The following EIF3A variants were observed in gnomAD, a reference collection of about 807,000 sequenced individuals.
EIF3A encodes EIF3, p180 subunit.
A neutral mutation model predicts 186.6 loss-of-function variants in EIF3A; 21 were observed. The ratio of observed to expected loss-of-function variants is 0.11; its 90% CI spans 0.08 to 0.16. EIF3A has a LOEUF of 0.16. EIF3A is among the 10% of genes least tolerant of loss of function. The probability of loss-of-function intolerance (pLI) is 1.00; values close to 1 mark genes in which losing one functional copy is unlikely to be tolerated. For missense variants in EIF3A, 1,306 were observed against 1,796.3 expected, an observed-to-expected ratio of 0.73 and a Z score of 4.93; for synonymous variants, 563 against 584.3, an observed-to-expected ratio of 0.96 and a Z score of 0.52.
At chr10:119,049,733 G>C in intron 17 of EIF3A, 68 bp downstream of exon 17, 1 of 1,409,896 alleles carries the variant, frequency 7.1e-7, no homozygotes, top group South Asian at 1.3e-5. Context: ...GACAGAGCAA[G>C]ACTGTGCCTC....
intron 9 of EIF3A, chr10:119,059,981 C>T: frequency 1.9e-6 from 1 of 537,470 alleles, no homozygotes; most frequent in Non-Finnish European, 3.5e-6. Flanking sequence ...CTGCTACTTA[C>T]CGAATATATT....
intron 1 of EIF3A, among the ~76,000 whole-genome samples, chr10:119,074,630 A>T (rs1200705122): frequency 2.7e-5 from 4 of 150,374 alleles, no homozygotes; most frequent in Non-Finnish European, 5.9e-5. Flanking sequence ...TTTTTTTTTT[A>T]AATAAAAAAA....
chr10:119,064,434 C>T (rs1281549151), intron 7 of EIF3A, among the ~76,000 whole-genome samples: 1 of 152,206 alleles, frequency 6.6e-6, no homozygotes, highest in East Asian at 1.9e-4. Flanking sequence ...GGGGCAATTT[C>T]TAATGATTTA....
intron 4 of EIF3A, 130 bp from the exon 5 acceptor site, chr10:119,071,215 A>G (rs1255751643): frequency 2.9e-6 from 2 of 684,670 alleles, no homozygotes; most frequent in South Asian, 1.8e-5. Flanking sequence ...AGTCTTTGTG[A>G]TGCAATGAGA....
At chr10:119,064,505 A>G (rs1055880458) in intron 7 of EIF3A, among the ~76,000 whole-genome samples, 1 of 152,020 alleles carries the variant, frequency 6.6e-6, no homozygotes, top group Non-Finnish European at 1.5e-5. Context: ...GTGTTGTTTA[A>G]AAGTGTGTGG....
chr10:119,063,544 C>G (rs1241160875), intron 7 of EIF3A, among the ~76,000 whole-genome samples: 1 of 152,162 alleles, frequency 6.6e-6, no homozygotes, highest in Non-Finnish European at 1.5e-5. Context: ...GAATTAGGGA[C>G]TGTTAATGAT....
At chr10:119,056,516 T>C (rs1464093555) in intron 14 of EIF3A, among the ~76,000 whole-genome samples, 1 of 152,208 alleles carries the variant, frequency 6.6e-6, no homozygotes, top group East Asian at 1.9e-4. Flanking sequence ...TATAAAGCAG[T>C]TTTTTATAAA....
At chr10:119,079,683 T>A (rs1445457962) in intron 1 of EIF3A, among the ~76,000 whole-genome samples, 1 of 151,922 alleles carries the variant, frequency 6.6e-6, no homozygotes, top group Non-Finnish European at 1.5e-5. Context: ...CTTGGAGAGA[T>A]CGGGGCACAC....
At chr10:119,060,348 T>G (rs762536836) in intron 9 of EIF3A, among the ~76,000 whole-genome samples, 129 of 152,280 alleles carry the variant, frequency 8.5e-4, no homozygotes, top group Non-Finnish European at 1.7e-3. Flanking sequence ...TTCCACTTCT[T>G]ATGCCACAGA....
chr10:119,063,777 C>T (rs1024572751), intron 7 of EIF3A, among the ~76,000 whole-genome samples: 2 of 152,200 alleles, frequency 1.3e-5, no homozygotes, highest in South Asian at 4.1e-4. Flanking sequence ...TCCATCAATG[C>T]GAAACACTAA....
At chr10:119,038,064 G>T (rs1366435508) in intron 20 of EIF3A, 174 bp downstream of exon 20, 13 of 590,114 alleles carry the variant, frequency 2.2e-5, no homozygotes, top group Admixed American at 5.2e-5. Context: ...TTACAGGCAT[G>T]CGCCACCACG....
chr10:119,069,610 C>A lies in EIF3A; in HGVS notation c.786G>T (p.Leu262Phe). 1.2e-6 allele frequency: 2 copies of A among 1,601,082 alleles called. No homozygotes were observed. The highest frequency in any genetic ancestry group is 1.7e-6 in the Non-Finnish European group (2 of 1,168,314). ...AVEDIHGLFS[L>F]SKKPPKPQLM... The stretch of plus-strand genomic sequence containing the variant: ...ACTGAGGTTTAGGTGGTTTTTTAGA[C>A]AAGGAGAATAGCCCGTGAATATCTT... Residue 262 changes from leucine (L) to phenylalanine (F), a missense_variant, in exon 6 of 22, where the codon TTG becomes TTT. Physicochemically the swap from Leu to Phe is conservative, Grantham distance 22. This residue lies in a region of EIF3A where 267 missense variants were observed against 367.8 expected (regional missense o/e 0.73). Transcript: ENST00000369144.
chr10:119,061,040 C>A, intron 8 of EIF3A, 184 bp downstream of exon 8: 1 of 578,706 alleles, frequency 1.7e-6, no homozygotes, highest in Non-Finnish European at 3.0e-6. Flanking sequence ...TAATTAACCT[C>A]CAAAGGTTTG....
chr10:119,073,165 G>C, intron 3 of EIF3A, 112 bp from the exon 4 acceptor site: 1 of 974,840 alleles, frequency 1.0e-6, no homozygotes, highest in Non-Finnish European at 1.5e-6. Flanking sequence ...CCCACAATAT[G>C]TACACACTGC....
intron 5 of EIF3A, among the ~76,000 whole-genome samples, chr10:119,070,008 T>A (rs1844045678): frequency 6.6e-6 from 1 of 152,062 alleles, no homozygotes; most frequent in East Asian, 1.9e-4. Flanking sequence ...TCTCTTCTTT[T>A]AACTTATGGA....
At chr10:119,066,678 C>T (rs184269486) in intron 6 of EIF3A, among the ~76,000 whole-genome samples, 1 of 152,136 alleles carries the variant, frequency 6.6e-6, no homozygotes, top group East Asian at 1.9e-4. Context: ...AGTCAGGCTG[C>T]ATTCAGAGCA....
At chr10:119,061,066 A>G (rs3736447) in intron 8 of EIF3A, 158 bp downstream of exon 8, 12,099 of 572,574 alleles carry the variant, frequency 0.021, 627 homozygotes, top group African/African-American at 0.14. Flanking sequence ...CACATCAGAT[A>G]TATCTTTTCT....
chr10:119,061,377 C>A, intron 7 of EIF3A, 49 bp from the exon 8 acceptor site: 1 of 872,052 alleles, frequency 1.1e-6, no homozygotes, highest in Non-Finnish European at 1.8e-6. Context: ...AATTTTCCAA[C>A]TAAAATTCTG....
chr10:119,065,950 A>C (rs1419088157), intron 6 of EIF3A, among the ~76,000 whole-genome samples: 1 of 151,956 alleles, frequency 6.6e-6, no homozygotes. Flanking sequence ...CCCCATCTCT[A>C]CTAAAAATAC....
Sources: allele counts gnomAD v4.1 joint callset (sites outside exome capture counted in the v4.1 genomes callset), GRCh38; gene constraint gnomAD v4.1.1; regional missense constraint gnomAD v4.1.1; transcripts MANE v1.5; gene names NCBI Gene and HGNC (gene_info 2026-07-23, HGNC 2026-07-21).